Variants in EWSR1 observed in about 807,000 individuals in gnomAD.
EWSR1 encodes the protein RNA-binding protein EWS.
A neutral mutation model predicts 92.1 loss-of-function variants in EWSR1; 14 were observed. The observed-to-expected ratio is 0.15, with a 90% confidence interval of 0.10 to 0.24. EWSR1 has a LOEUF of 0.24. Among genes scored for constraint, EWSR1 ranks in the 10% least tolerant of loss-of-function variants. EWSR1 has a pLI of 1.00. For missense variants in EWSR1, 637 were observed against 870.9 expected (o/e 0.73, Z 3.38); for synonymous variants, 303 against 292.9 (o/e 1.03, Z -0.35).
intron 8 of EWSR1, chr22:29,289,066 A>G (rs1266568627): frequency 1.1e-5 from 4 of 375,390 alleles, no homozygotes; most frequent in Non-Finnish European, 1.4e-5. Flanking sequence ...TCCAGAGGTG[A>G]GAAGCCTCTG....
intron 6 of EWSR1, among the ~76,000 whole-genome samples, chr22:29,284,694 C>T (rs1196804641): frequency 4.0e-5 from 6 of 151,300 alleles, no homozygotes; most frequent in Non-Finnish European, 7.3e-5. Flanking sequence ...GTGACACAGT[C>T]GTAGCCCCCT....
At chr22:29,293,259 C>T (rs1055259074) in intron 11 of EWSR1, among the ~76,000 whole-genome samples, 1 of 152,168 alleles carries the variant, frequency 6.6e-6, no homozygotes. Flanking sequence ...GGCCACCTAC[C>T]TCAGCCTCCC....
At chr22:29,280,590 G>A (rs1260439671) in intron 5 of EWSR1, among the ~76,000 whole-genome samples, 2 of 151,974 alleles carry the variant, frequency 1.3e-5, no homozygotes, top group Admixed American at 1.3e-4. Context: ...TTTCCATTAC[G>A]GAGACTTTGA....
rs1341196166 is a variant in EWSR1, at chr22:29,268,367, G to C, written c.13+18G>C. 3 of 1,613,926 alleles carry C rather than the reference G, an allele frequency of 1.9e-6. No homozygotes were observed. The highest frequency in any genetic ancestry group is 1.7e-5 in the Admixed American group (1 of 60,012). Reference sequence around the variant, plus strand: ...GTCCACGGGTGAGTATGGTGGAACTGCGGTCGCGCCGGCGGTAGCCGGAAC... The same window carrying C: ...GTCCACGGGTGAGTATGGTGGAACTCCGGTCGCGCCGGCGGTAGCCGGAAC... On this transcript the variant is annotated intron_variant, in intron 1 of 16. Transcript: ENST00000397938.
At chr22:29,296,963 C>G (rs573539341) in intron 12 of EWSR1, among the ~76,000 whole-genome samples, 113 of 152,146 alleles carry the variant, frequency 7.4e-4, no homozygotes, top group Non-Finnish European at 1.4e-3. Flanking sequence ...GTGGGAGGAT[C>G]ACTTGAGCCC....
At chr22:29,293,499 A>T (rs1205834160) in intron 11 of EWSR1, among the ~76,000 whole-genome samples, 1 of 152,006 alleles carries the variant, frequency 6.6e-6, no homozygotes, top group Non-Finnish European at 1.5e-5. Flanking sequence ...GAGAATTTAC[A>T]TTTTTATGAT....
intron 6 of EWSR1, among the ~76,000 whole-genome samples, chr22:29,283,815 C>T (rs577100654): frequency 5.6e-5 from 8 of 143,572 alleles, no homozygotes; most frequent in Non-Finnish European, 1.1e-4. Context: ...GTGACAGGCG[C>T]GAGCCCCTGC....
chr22:29,270,218 G>GT (rs1457992019), intron 1 of EWSR1, among the ~76,000 whole-genome samples: 1 of 152,160 alleles, frequency 6.6e-6, no homozygotes, highest in Admixed American at 6.5e-5. Flanking sequence ...AATAATAGAA[G>GT]TTTTCTCTCC....
Position 29,296,286 on chromosome 22 carries a change from G to A in EWSR1, c.1212G>A (p.Lys404=). The A allele has an allele frequency of 6.2e-7, 1 of 1,614,164 alleles. No individual in the cohort carries two copies. Among genetic ancestry groups the A allele is most frequent in the Non-Finnish European group, 8.5e-7 (1 of 1,180,008 alleles). Residue 404 remains lysine (K), a synonymous_variant, in exon 12 of 17, where the codon AAG becomes AAA. Coordinates refer to ENST00000397938, the MANE Select transcript of EWSR1 (RefSeq NM_005243.4). ...GQPMIHIYLD[K]ETGKPKGDAT... is the part of the protein sequence containing the mutation. Reference sequence around the variant, plus strand: ...CCATGATCCACATCTACCTGGACAAGGAAACAGGAAAGCCCAAAGGCGATG... The same window carrying A: ...CCATGATCCACATCTACCTGGACAAAGAAACAGGAAAGCCCAAAGGCGATG...
intron 5 of EWSR1, among the ~76,000 whole-genome samples, chr22:29,281,643 C>T (rs1371797031): frequency 6.6e-6 from 1 of 152,062 alleles, no homozygotes; most frequent in Admixed American, 6.6e-5. Context: ...TGCAGTGGCG[C>T]GATCTCGGCT....
Position 29,273,162 on chromosome 22 carries a change from G to A in EWSR1, c.103-579G>A, listed in dbSNP as rs370857812. Among the ~76,000 whole-genome samples the A allele has an allele frequency of 2.0e-5, 3 of 152,212 alleles. No homozygotes were observed. In the East Asian group the frequency reaches 5.8e-4, roughly 29 times the overall value. ...GTATTATGGATGTCTAAGTTCAAAA[G>A]ACAGTACTCTTGATGTGCCCACCAT... is the stretch of plus-strand genomic sequence containing the variant. On this transcript the variant is annotated intron_variant, in intron 3 of 16. Coordinates refer to ENST00000397938, the MANE Select transcript of EWSR1 (RefSeq NM_005243.4).
intron 6 of EWSR1, among the ~76,000 whole-genome samples, chr22:29,284,817 GTGTTT>G (rs1042674005): frequency 1.3e-5 from 2 of 151,262 alleles, no homozygotes; most frequent in African/African-American, 2.5e-5. Context: ...GTTTTTGTGT[GTGTTT>G]TGTTTTGTTT....
At chr22:29,290,231 G>A (rs747267432) in intron 8 of EWSR1, 4 of 547,870 alleles carry the variant, frequency 7.3e-6, no homozygotes, top group Non-Finnish European at 1.3e-5. Flanking sequence ...GGGGATAGAC[G>A]GGCATTTCCC....
At position 29,286,968 on chromosome 22, in the gene EWSR1, T is replaced by C. The variant is rs2060095492; in HGVS notation, c.627T>C (p.Ser209=). The C allele has an allele frequency of 6.2e-7, 1 of 1,613,628 alleles. No homozygotes were observed. Among genetic ancestry groups the C allele is most frequent in the South Asian group, 1.1e-5 (1 of 91,058 alleles). Residue 209 remains serine, a synonymous_variant, in exon 7 of 17, where the codon TCT becomes TCC. Coordinates refer to ENST00000397938, the MANE Select transcript of EWSR1 (RefSeq NM_005243.4). ...QPTSYDQSSY[S]QQNTYGQPSS... ...CTAGTTATGATCAGAGCAGTTACTC[T>C]CAGCAGAACACCTATGGGCAACCGA...
Sources: allele counts gnomAD v4.1 joint callset (sites outside exome capture counted in the v4.1 genomes callset), GRCh38; gene constraint gnomAD v4.1.1; transcripts MANE v1.5; gene names NCBI Gene and HGNC (gene_info 2026-07-23, HGNC 2026-07-21).